PLEKHA8: variants seen among roughly 807,000 people sequenced by gnomAD.
PLEKHA8 encodes the protein pleckstrin homology domain containing A8, also known as pleckstrin homology domain-containing family A member 8.
PLEKHA8 carries 36 observed loss-of-function variants against 68.2 expected under a neutral mutation model. The ratio of observed to expected loss-of-function variants is 0.53; its 90% CI spans 0.40 to 0.70. The LOEUF is 0.70. Among genes scored for constraint, PLEKHA8 ranks in the 30% least tolerant of loss-of-function variants. The pLI is 0.00. For synonymous variants in PLEKHA8, 211 were observed against 216.1 expected (o/e 0.98, Z 0.20); for missense variants, 505 against 615.4 (o/e 0.82, Z 1.90).
chr7:30,056,310 C>CTATATATATATATATATA (rs1162112994), intron 9 of PLEKHA8, among the ~76,000 whole-genome samples: 1 of 72,202 alleles, frequency 1.4e-5, no homozygotes, highest in Non-Finnish European at 2.9e-5. Flanking sequence ...CTCTCTCTCT[C>CTATATATATATATATATA]TCTATATATA....
intron 1 of PLEKHA8, among the ~76,000 whole-genome samples, chr7:30,035,275 A>G (rs1046413441): frequency 2.6e-5 from 4 of 152,206 alleles, no homozygotes; most frequent in Non-Finnish European, 5.9e-5. Context: ...TAATAGCTGT[A>G]CCTAGGTTTG....
chr7:30,088,051 C>T (rs182888647), downstream of PLEKHA8, among the ~76,000 whole-genome samples: 316 of 152,286 alleles, frequency 2.1e-3, no homozygotes, highest in African/African-American at 6.8e-3. Flanking sequence ...AGGAGTTGGG[C>T]GTCACCACCA....
At position 30,083,060 on chromosome 7, in the gene PLEKHA8, T is replaced by G; in HGVS notation, c.*4273T>G. 2 of 980,772 alleles carry G rather than the reference T, an allele frequency of 2.0e-6. No individual in the cohort carries two copies. Among genetic ancestry groups the G allele is most frequent in the Non-Finnish European group, 2.4e-6 (2 of 825,768 alleles). The allele number at this position is 980,772 out of a possible 1,614,324, so 60.8% of individuals were successfully genotyped here. A position where few individuals can be genotyped will look rare whatever the true frequency, so the allele number is the denominator to read the frequency against. On this transcript the variant is annotated 3_prime_UTR_variant, in exon 14 of 14. Coordinates refer to ENST00000449726, the MANE Select transcript of PLEKHA8 (RefSeq NM_001197026.2). ...AGATAATCTATCAACCTTTTTTAAA[T>G]TTTAAAATTTTTAGATGTAGAGTTT...
At chr7:30,090,654 CAG>C in exon 13 of PLEKHA8, 1 of 443,072 alleles carries the variant, frequency 2.3e-6, no homozygotes, top group Non-Finnish European at 3.0e-6. Flanking sequence ...ATTTTCATAG[CAG>C]AGACTTGATA....
In PLEKHA8 at chr7:30,028,444, T is replaced by G. The variant is rs1422837259; in HGVS notation, c.-319T>G. The G allele has an allele frequency of 6.9e-6, 2 of 288,348 alleles. No individual in the cohort carries two copies. The highest frequency in any genetic ancestry group is 1.3e-5 in the Non-Finnish European group (2 of 155,546). The allele number at this position is 288,348 out of a possible 1,614,324, so 17.9% of individuals were successfully genotyped here. On this transcript the variant is annotated 5_prime_UTR_variant, in exon 1 of 14. Coordinates refer to ENST00000449726, the MANE Select transcript of PLEKHA8 (RefSeq NM_001197026.2). ...CGTGGCGCCGCCTGCGACCGGCAGCTCGTTCGCCGCACTTTGGAGGCTTCG... is the reference window on the plus strand; with the variant it reads ...CGTGGCGCCGCCTGCGACCGGCAGCGCGTTCGCCGCACTTTGGAGGCTTCG...
intron 13 of PLEKHA8, chr7:30,115,983 T>TAC (rs1562558647): frequency 7.2e-6 from 1 of 139,134 alleles, no homozygotes; most frequent in African/African-American, 2.6e-5. Flanking sequence ...CATGCATGCA[T>TAC]GTATGCATAC....
In PLEKHA8 at chr7:30,120,355, G is replaced by A. The variant is rs545494589; in HGVS notation, c.1363-8911G>A. ...AAGGGAAAGTAACGTACAAAAAAGC[G>A]GAAGTGAGGTACAGAAACAGCTGGA... On this transcript the variant is annotated intron_variant, in intron 13 of 13. Transcript: ENST00000396257. 2.6e-5 allele frequency among the ~76,000 whole-genome samples: 4 copies of A among 152,282 alleles called. No individual in the cohort carries two copies. The South Asian group carries it at 6.2e-4, about 24-fold the overall frequency.
intron 1 of PLEKHA8, among the ~76,000 whole-genome samples, chr7:30,039,388 G>A (rs992321162): frequency 1.3e-4 from 20 of 152,056 alleles, no homozygotes; most frequent in Admixed American, 7.9e-4. Context: ...GCTGGCGGGC[G>A]CCTGTAATCC....
intron 10 of PLEKHA8, among the ~76,000 whole-genome samples, chr7:30,061,311 T>C (rs1355186702): frequency 6.6e-6 from 1 of 152,230 alleles, no homozygotes; most frequent in Non-Finnish European, 1.5e-5. Flanking sequence ...TGAAAATAGC[T>C]GTCAGTGGTC....
At chr7:30,063,695 A>C (rs904542623) in intron 12 of PLEKHA8, among the ~76,000 whole-genome samples, 1 of 152,182 alleles carries the variant, frequency 6.6e-6, no homozygotes, top group African/African-American at 2.4e-5. Flanking sequence ...ATCTGCCATA[A>C]AAATGAGAGC....
chr7:30,103,780 T>C (rs1042768665), intron 13 of PLEKHA8, among the ~76,000 whole-genome samples: 1 of 152,224 alleles, frequency 6.6e-6, no homozygotes, highest in Admixed American at 6.5e-5. Context: ...ATAAATTATA[T>C]AACTGAATGT....
In PLEKHA8 at chr7:30,081,264, A is replaced by G; in HGVS notation, c.*2477A>G. ...AAGAGGGTAATATTTTTTAATAGGT[A>G]TTTTCCCCACTGGAGCATATTACGT... On this transcript the variant is annotated 3_prime_UTR_variant, in exon 14 of 14. Transcript: ENST00000449726. 2.0e-6 allele frequency: 2 copies of G among 985,344 alleles called. No individual in the cohort carries two copies. Among genetic ancestry groups the G allele is most frequent in the Non-Finnish European group, 2.4e-6 (2 of 829,874 alleles). The allele number at this position is 985,344 out of a possible 1,614,324, so 61.0% of individuals were successfully genotyped here.
intron 13 of PLEKHA8, chr7:30,118,065 C>A: frequency 6.8e-7 from 1 of 1,478,274 alleles, no homozygotes; most frequent in Non-Finnish European, 8.9e-7. Flanking sequence ...CAGCATGAGA[C>A]AGGATGCATC....
chr7:30,107,365 T>C (rs1342421250), intron 13 of PLEKHA8, among the ~76,000 whole-genome samples: 2 of 152,136 alleles, frequency 1.3e-5, no homozygotes, highest in Non-Finnish European at 2.9e-5. Context: ...TGTATTTTAT[T>C]GCTGCCATTA....
chr7:30,057,179 C>G (rs1260458717), intron 9 of PLEKHA8, among the ~76,000 whole-genome samples: 2 of 151,828 alleles, frequency 1.3e-5, no homozygotes, highest in Non-Finnish European at 2.9e-5. Flanking sequence ...TTTTCATCAC[C>G]CTGGAATGTT....
At chr7:30,115,359 A>C (rs1204855827) in intron 13 of PLEKHA8, among the ~76,000 whole-genome samples, 1 of 151,946 alleles carries the variant, frequency 6.6e-6, no homozygotes, top group Non-Finnish European at 1.5e-5. Context: ...AATGCAAACT[A>C]CTCATTGTAC....
At position 30,076,291 on chromosome 7, in the gene PLEKHA8, A is replaced by G. The variant is rs115526963; in HGVS notation, c.1362+2159A>G. On this transcript the variant is annotated intron_variant, in intron 13 of 13. Transcript: ENST00000449726. ...TATTTTCCTAGTATGGAGATATCAT[A>G]ATTTATTTGCTCAGTCCTCTGTGTG... Among the ~76,000 whole-genome samples, 1,348 of 152,300 alleles carry G rather than the reference A, an allele frequency of 8.9e-3. 20 individuals carry two copies. The highest frequency in any genetic ancestry group is 0.031 in the African/African-American group (1,300 of 41,562).
chr7:30,103,880 A>T (rs1303802142), intron 13 of PLEKHA8, among the ~76,000 whole-genome samples: 1 of 152,236 alleles, frequency 6.6e-6, no homozygotes, highest in South Asian at 2.1e-4. Context: ...AAAAAGTGAC[A>T]AATTGGACTT....
intron 13 of PLEKHA8, chr7:30,117,977 C>G: frequency 6.5e-7 from 1 of 1,531,224 alleles, no homozygotes; most frequent in Non-Finnish European, 8.7e-7. Flanking sequence ...CAGGGACACA[C>G]AAATGTCTGA....
Sources: allele counts gnomAD v4.1 joint callset (sites outside exome capture counted in the v4.1 genomes callset), GRCh38; gene constraint gnomAD v4.1.1; transcripts MANE v1.5; gene names NCBI Gene and HGNC (gene_info 2026-07-23, HGNC 2026-07-21).